SLC38A11: variants seen among roughly 807,000 people sequenced by gnomAD.
The protein encoded by SLC38A11 is putative sodium-coupled neutral amino acid transporter 11.
In SLC38A11, 51 loss-of-function variants were observed where a neutral mutation model predicts 49.4. The observed-to-expected ratio is 1.03, with a 90% confidence interval of 0.83 to 1.30. The LOEUF is 1.30. Among genes scored for constraint, SLC38A11 ranks in the 50% most tolerant of loss-of-function variants. The probability of loss-of-function intolerance (pLI) is 0.00; values close to 1 mark genes in which losing one functional copy is unlikely to be tolerated. For synonymous variants in SLC38A11, 203 were observed against 192.9 expected, an observed-to-expected ratio of 1.05 and a Z score of -0.43; for missense variants, 574 against 556.2, an observed-to-expected ratio of 1.03 and a Z score of -0.32.
In SLC38A11 at chr2:164,955,427, A is replaced by G; in HGVS notation, c.-180T>C. ...GCAGGCCGCGAGGGCTGCAGCCCCA[A>G]GATCTCTAGGCTGTGGCAGCCTGGG... On this transcript the variant is annotated 5_prime_UTR_variant, in exon 1 of 12. Transcript: ENST00000685975. 3.3e-6 allele frequency: 2 copies of G among 606,518 alleles called. No homozygotes were observed. Among genetic ancestry groups the G allele is most frequent in the Non-Finnish European group, 5.9e-6 (2 of 340,210 alleles). 37.6% of individuals were successfully genotyped at this position (606,518 alleles called of 1,614,324 possible). A position where few individuals can be genotyped will look rare whatever the true frequency, so the allele number is the denominator to read the frequency against.
chr2:164,952,750 A>C lies in SLC38A11; in HGVS notation c.186T>G (p.Phe62Leu), dbSNP rs770548799. Residue 62 changes from phenylalanine to leucine, a missense_variant, in exon 3 of 12, where the codon TTT becomes TTG. By Grantham distance (22) the Phe-to-Leu change is conservative (BLOSUM62 0). Coordinates refer to ENST00000685975, the MANE Select transcript of SLC38A11 (RefSeq NM_001351537.2). Reference sequence around the variant, plus strand: ...AGAATAAAAGCAATATTCCCAAAGGAAACCCAGCTTGCTTCATTGAATAAG... The same window carrying C: ...AGAATAAAAGCAATATTCCCAAAGGCAACCCAGCTTGCTTCATTGAATAAG... ...GLPYSMKQAG[F>L]PLGILLLFWV... 2 of 1,607,000 alleles carry C rather than the reference A, an allele frequency of 1.2e-6. No homozygotes were observed. Among genetic ancestry groups the C allele is most frequent in the South Asian group, 2.3e-5 (2 of 88,808 alleles).
intron 11 of SLC38A11, among the ~76,000 whole-genome samples, chr2:164,899,118 A>G (rs565255144): frequency 6.6e-6 from 1 of 152,242 alleles, no homozygotes; most frequent in Non-Finnish European, 1.5e-5. Context: ...CCCTTCAAAC[A>G]TGAATGGTCT....
In SLC38A11 at chr2:164,942,652, T is replaced by G. The variant is rs1687859374; in HGVS notation, c.430+1917A>C. ...CATAATTTAGATTATATTCTGTGTCTTATATTCTGACCACTTTCCTTAGCA... is the reference window on the plus strand; with the variant it reads ...CATAATTTAGATTATATTCTGTGTCGTATATTCTGACCACTTTCCTTAGCA... On this transcript the variant is annotated intron_variant, in intron 5 of 11. Transcript: ENST00000685975. 2.0e-5 allele frequency among the ~76,000 whole-genome samples: 3 copies of G among 152,218 alleles called. No individual in the cohort carries two copies. The South Asian group carries it at 6.2e-4, about 32-fold the overall frequency.
chr2:164,940,219 T>C (rs1322521097), intron 5 of SLC38A11, among the ~76,000 whole-genome samples: 3 of 73,840 alleles, frequency 4.1e-5, no homozygotes, highest in African/African-American at 4.7e-5. Context: ...CAAATACAAA[T>C]AGAAAATTTT....
chr2:164,944,524 T>C (rs1687981242), intron 5 of SLC38A11, 45 bp downstream of exon 5: 7 of 888,668 alleles, frequency 7.9e-6, no homozygotes, highest in Non-Finnish European at 9.2e-6. Context: ...AATAACTATA[T>C]AAAATAAATA....
chr2:164,912,409 T>C (rs1364150214), intron 9 of SLC38A11: 1 of 152,148 alleles, frequency 6.6e-6, no homozygotes, highest in Non-Finnish European at 1.5e-5. Flanking sequence ...ACTGGCTTTG[T>C]AAACTGGTTT....
At chr2:164,944,660 C>A in intron 4 of SLC38A11, 26 bp from the exon 5 acceptor site, 1 of 922,890 alleles carries the variant, frequency 1.1e-6, no homozygotes, top group South Asian at 3.6e-5. Flanking sequence ...AAATAAGAGT[C>A]ATCAATAAGC....
chr2:164,946,611 A>G (rs1163094142), intron 3 of SLC38A11, among the ~76,000 whole-genome samples: 2 of 151,928 alleles, frequency 1.3e-5, no homozygotes, highest in Non-Finnish European at 2.9e-5. Flanking sequence ...ACTTCAATTG[A>G]AGTTAGAGAT....
chr2:164,904,757 A>G (rs1335416526), intron 11 of SLC38A11, among the ~76,000 whole-genome samples: 1 of 152,184 alleles, frequency 6.6e-6, no homozygotes, highest in African/African-American at 2.4e-5. Flanking sequence ...ATTAAAGTCT[A>G]TCCATATGTA....
intron 3 of SLC38A11, among the ~76,000 whole-genome samples, chr2:164,949,256 TA>T (rs1688357534): frequency 6.6e-6 from 1 of 152,076 alleles, no homozygotes; most frequent in African/African-American, 2.4e-5. Context: ...TTAATTAATT[TA>T]TTTATTGTTG....
chr2:164,929,972 GTTT>G (rs751433690), intron 7 of SLC38A11, among the ~76,000 whole-genome samples: 1 of 147,152 alleles, frequency 6.8e-6, no homozygotes, highest in Non-Finnish European at 1.5e-5. Flanking sequence ...TCCAGGCGCT[GTTT>G]TTTTTTAAAA....
At position 164,898,116 on chromosome 2, in the gene SLC38A11, C is replaced by T. The variant is rs1487014871; in HGVS notation, c.*321G>A. On this transcript the variant is annotated 3_prime_UTR_variant, in exon 12 of 12. Coordinates refer to ENST00000685975, the MANE Select transcript of SLC38A11 (RefSeq NM_001351537.2). Reference sequence around the variant, plus strand: ...CAAAATTCCAACCCACAATCACCTACTTATTTTGGAGCACAATATACTGGT... The same window carrying T: ...CAAAATTCCAACCCACAATCACCTATTTATTTTGGAGCACAATATACTGGT... 1 of 141,398 alleles carries T rather than the reference C, an allele frequency of 7.1e-6. No homozygotes were observed. The highest frequency in any genetic ancestry group is 2.6e-5 in the African/African-American group (1 of 38,958). The allele number at this position is 141,398 out of a possible 1,614,324, so 8.8% of individuals were successfully genotyped here. A position where few individuals can be genotyped will look rare whatever the true frequency, so the allele number is the denominator to read the frequency against.
At chr2:164,916,741 C>T (rs1049327874) in intron 7 of SLC38A11, among the ~76,000 whole-genome samples, 1 of 152,120 alleles carries the variant, frequency 6.6e-6, no homozygotes, top group Non-Finnish European at 1.5e-5. Context: ...CAGCTTGAAA[C>T]AGGCTACATC....
chr2:164,905,451 A>G (rs1236903064), intron 11 of SLC38A11, among the ~76,000 whole-genome samples: 1 of 152,096 alleles, frequency 6.6e-6, no homozygotes. Context: ...ATTATGAAGT[A>G]GAACACAGCA....
At chr2:164,909,573 C>T (rs1685255385) in intron 10 of SLC38A11, among the ~76,000 whole-genome samples, 1 of 151,016 alleles carries the variant, frequency 6.6e-6, no homozygotes, top group African/African-American at 2.4e-5. Flanking sequence ...TACAGCATCC[C>T]TGAAATATGC....
chr2:164,928,721 T>C (rs1193141181), intron 7 of SLC38A11, among the ~76,000 whole-genome samples: 1 of 152,130 alleles, frequency 6.6e-6, no homozygotes, highest in East Asian at 1.9e-4. Flanking sequence ...ATATTCATGT[T>C]CTGAACCTAC....
chr2:164,904,536 A>T (rs990873021), intron 11 of SLC38A11, among the ~76,000 whole-genome samples: 3 of 152,166 alleles, frequency 2.0e-5, no homozygotes, highest in African/African-American at 4.8e-5. Context: ...GATCTGATTC[A>T]TCTCATCTGT....
chr2:164,914,786 A>G (rs1261554360), intron 9 of SLC38A11, among the ~76,000 whole-genome samples: 1 of 152,034 alleles, frequency 6.6e-6, no homozygotes, highest in Non-Finnish European at 1.5e-5. Flanking sequence ...ATTCGGGAGA[A>G]TCCAAATCGA....
In SLC38A11 at chr2:164,915,267, A is replaced by G; in HGVS notation, c.695T>C (p.Ile232Thr). The change falls in exon 9 of 12, where the codon ATT becomes ACT. Residue 232 changes from isoleucine (I) to threonine (T), a missense_variant. By Grantham distance (89) the Ile-to-Thr change is moderately conservative (BLOSUM62 -1). Coordinates refer to ENST00000685975, the MANE Select transcript of SLC38A11 (RefSeq NM_001351537.2). ...QAVGVMSFAF[I>T]CHHNSFLVYS... is the part of the protein sequence containing the mutation. ...AACTAAGAAGGAGTTATGGTGGCAAATAAATGCTGCAATACAAAAAAAAAG... is the reference window on the plus strand; with the variant it reads ...AACTAAGAAGGAGTTATGGTGGCAAGTAAATGCTGCAATACAAAAAAAAAG... 1 of 1,592,354 alleles carries G rather than the reference A, an allele frequency of 6.3e-7. No individual in the cohort carries two copies. Among genetic ancestry groups the G allele is most frequent in the East Asian group, 2.2e-5 (1 of 44,640 alleles).
Sources: gnomAD v4.1 joint callset for allele counts (sites outside exome capture counted in the v4.1 genomes callset) on GRCh38, gnomAD v4.1.1 for gene constraint, MANE v1.5 for transcripts, NCBI Gene and HGNC (gene_info 2026-07-23, HGNC 2026-07-21) for gene names.